HPRT1: variants seen among roughly 807,000 people sequenced by gnomAD.
The protein encoded by HPRT1 is hypoxanthine phosphoribosyltransferase 1, also known as hypoxanthine-guanine phosphoribosyltransferase.
HPRT1 carries 4 observed loss-of-function variants against 19.0 expected under a neutral mutation model. The ratio of observed to expected loss-of-function variants is 0.21; its 90% CI spans 0.10 to 0.48. The LOEUF (loss-of-function observed/expected upper bound fraction) is 0.48. Ranked by LOEUF, HPRT1 falls within the 20% of genes least tolerant of loss-of-function variation. The pLI is 0.98. For synonymous variants in HPRT1, 53 were observed against 54.9 expected, an observed-to-expected ratio of 0.97 and a Z score of 0.15; for missense variants, 65 against 164.0, an observed-to-expected ratio of 0.40 and a Z score of 3.30.
At chrX:134,487,127 T>A (rs1420763861) in intron 4 of HPRT1, among the ~76,000 whole-genome samples, 2 of 111,777 alleles carry the variant, frequency 1.8e-5, no homozygotes, top group African/African-American at 6.5e-5. Flanking sequence ...TCAGACATAC[T>A]ATTATTTTAA....
At chrX:134,496,358 A>G (rs1442564425) in intron 6 of HPRT1, among the ~76,000 whole-genome samples, 1 of 111,751 alleles carries the variant, frequency 8.9e-6, no homozygotes, top group African/African-American at 3.3e-5. Flanking sequence ...CTTATTGGCC[A>G]TTTACATATA....
At chrX:134,495,020 A>C (rs1476865107) in intron 6 of HPRT1, among the ~76,000 whole-genome samples, 2 of 110,865 alleles carry the variant, frequency 1.8e-5, no homozygotes, top group Non-Finnish European at 3.8e-5. Flanking sequence ...TAAGATTTTC[A>C]GGTAGGATTG....
intron 1 of HPRT1, among the ~76,000 whole-genome samples, chrX:134,465,995 C>A (rs1050404386): frequency 9.1e-6 from 1 of 110,111 alleles, no homozygotes; most frequent in Non-Finnish European, 1.9e-5. Flanking sequence ...TCCCACACCC[C>A]CCCCATACCT....
rs973594871 is a variant in HPRT1 at position 134,498,282 on chromosome X, T to C, written c.486-108T>C. 3.7e-5 allele frequency: 24 copies of C among 653,293 alleles called. No individual in the cohort carries two copies. In the African/African-American group the frequency reaches 4.7e-4, roughly 13 times the overall value. The allele number at this position is 653,293 out of a possible 1,213,427, so 53.8% of individuals were successfully genotyped here. ...TTGGGTGTGTTAAAAGTGACCATGG[T>C]ACACTCAGCACGGATGAAATGAAAC... On this transcript the variant is annotated intron_variant, in intron 6 of 8. Transcript: ENST00000298556.
intron 4 of HPRT1, 75 bp downstream of exon 4, chrX:134,486,605 C>A: frequency 3.3e-6 from 2 of 610,440 alleles, no homozygotes; most frequent in Admixed American, 2.3e-5. Flanking sequence ...TTCAATCAAT[C>A]ACTAAGAGAT....
intron 6 of HPRT1, among the ~76,000 whole-genome samples, chrX:134,497,525 T>G (rs1291386227): frequency 9.1e-6 from 1 of 110,198 alleles, no homozygotes; most frequent in Non-Finnish European, 1.9e-5. Context: ...TCCCAGCTAC[T>G]CGGCAGGCTG....
At chrX:134,495,937 T>C (rs894311829) in intron 6 of HPRT1, among the ~76,000 whole-genome samples, 1 of 112,607 alleles carries the variant, frequency 8.9e-6, no homozygotes, top group South Asian at 3.7e-4. Flanking sequence ...GTATCAGTAC[T>C]TCATCCCTTG....
chrX:134,460,233 T>C lies in HPRT1; in HGVS notation c.-79T>C. 1 of 1,040,531 alleles carries C rather than the reference T, an allele frequency of 9.6e-7. No individual in the cohort carries two copies. The highest frequency in any genetic ancestry group is 1.3e-6 in the Non-Finnish European group (1 of 783,709). 85.8% of individuals were successfully genotyped at this position (1,040,531 alleles called of 1,213,427 possible). ...TTTCCCGCGCGGCGCCGCCTCTTGC[T>C]GCGCCTCCGCCTCCTCCTCTGCTCC... On this transcript the variant is annotated 5_prime_UTR_variant, in exon 1 of 9. Transcript: ENST00000298556.
At chrX:134,475,047 A>ATTT in intron 2 of HPRT1, 134 bp from the exon 3 acceptor site, 4 of 415,665 alleles carry the variant, frequency 9.6e-6, no homozygotes, top group Non-Finnish European at 8.2e-6. Flanking sequence ...TGCCTGGCTA[A>ATTT]TTTTTTTTTT....
chrX:134,489,558 A>G (rs1023904643), intron 4 of HPRT1, among the ~76,000 whole-genome samples: 19 of 111,544 alleles, frequency 1.7e-4, no homozygotes, highest in African/African-American at 6.2e-4. Flanking sequence ...AAGAACAGAT[A>G]GGACTTTCTC....
intron 2 of HPRT1, among the ~76,000 whole-genome samples, chrX:134,474,568 C>T (rs1010052507): frequency 6.4e-5 from 7 of 109,360 alleles, no homozygotes; most frequent in Admixed American, 2.0e-4. Context: ...TATAGGTGTG[C>T]GCCACCACTC....
At chrX:134,471,773 T>C (rs777124620) in intron 1 of HPRT1, among the ~76,000 whole-genome samples, 48 of 110,642 alleles carry the variant, frequency 4.3e-4, no homozygotes, top group Non-Finnish European at 8.7e-4. Context: ...CCCCAGTAAC[T>C]GGGACTACAG....
rs17884910 is a variant in HPRT1 at position 134,486,938 on chromosome X, C to G, written c.384+408C>G. ...AAGTGTGAGTTCCGGAGCCTGACAA[C>G]TGATTCAAAGCATGGCTTAGTACTT... On this transcript the variant is annotated intron_variant, in intron 4 of 8. Transcript: ENST00000298556. 4.4e-4 allele frequency among the ~76,000 whole-genome samples: 49 copies of G among 110,221 alleles called. No homozygotes were observed. In the East Asian group the frequency reaches 0.013, roughly 30 times the overall value.
intron 5 of HPRT1, 53 bp downstream of exon 5, chrX:134,490,258 T>G: frequency 1.4e-6 from 1 of 713,779 alleles, no homozygotes; most frequent in Admixed American, 2.5e-5. Context: ...TAACTTAGTA[T>G]GCACCATCCT....
chrX:134,473,567 A>C, intron 2 of HPRT1, 102 bp downstream of exon 2: 1 of 524,201 alleles, frequency 1.9e-6, no homozygotes, highest in East Asian at 3.5e-5. Context: ...AACTAGGCCA[A>C]CTTATTAAAT....
At chrX:134,484,916 G>A (rs1040520943) in intron 3 of HPRT1, among the ~76,000 whole-genome samples, 1 of 111,547 alleles carries the variant, frequency 9.0e-6, no homozygotes, top group Admixed American at 9.5e-5. Context: ...TCAAGCGATC[G>A]TCTTGCCTCT....
At chrX:134,486,739 G>T in intron 4 of HPRT1, 1 of 390,815 alleles carries the variant, frequency 2.6e-6, no homozygotes, top group Non-Finnish European at 4.8e-6. Flanking sequence ...TGTCCATATT[G>T]TCAAGTACTG....
Position 134,500,093 on chromosome X carries a change from TG to T in HPRT1, c.*17del. ...CAAAGCCTAAGATGAGAGTTCAAGT[TG>T]AGTTTGGAAACATCTGGAGTCCTAT... On this transcript the variant is annotated 3_prime_UTR_variant, in exon 9 of 9. Coordinates refer to ENST00000298556, the MANE Select transcript of HPRT1 (RefSeq NM_000194.3). The T allele has an allele frequency of 1.1e-5, 12 of 1,130,299 alleles. No homozygotes were observed. Among genetic ancestry groups the T allele is most frequent in the Non-Finnish European group, 1.5e-5 (12 of 821,047 alleles). The allele number at this position is 1,130,299 out of a possible 1,213,427, so 93.1% of individuals were successfully genotyped here.
chrX:134,472,756 G>A (rs2077613689), intron 1 of HPRT1, among the ~76,000 whole-genome samples: 1 of 109,677 alleles, frequency 9.1e-6, no homozygotes, highest in Admixed American at 9.8e-5. Flanking sequence ...TAGTAGAGAC[G>A]GCGGGGGGAG....
Sources: allele counts gnomAD v4.1 joint callset (sites outside exome capture counted in the v4.1 genomes callset), GRCh38; gene constraint gnomAD v4.1.1; transcripts MANE v1.5; gene names NCBI Gene and HGNC (gene_info 2026-07-23, HGNC 2026-07-21).